The following RALYL variants were observed in gnomAD, a reference collection of about 807,000 sequenced individuals.
The protein encoded by RALYL is RNA-binding Raly-like protein.
In RALYL, 29 loss-of-function variants were observed where a neutral mutation model predicts 35.1. The observed-to-expected ratio is 0.83, with a 90% CI of 0.61 to 1.13. The LOEUF (loss-of-function observed/expected upper bound fraction) is 1.13. Among genes scored for constraint, RALYL ranks in the 50% most tolerant of loss-of-function variants. The pLI is 0.00. For synonymous variants in RALYL, 120 were observed against 127.6 expected (o/e 0.94, Z 0.40); for missense variants, 359 against 360.4 (o/e 1.00, Z 0.03).
intron 1 of RALYL, among the ~76,000 whole-genome samples, chr8:84,299,110 G>A (rs1321096553): frequency 6.6e-6 from 1 of 151,998 alleles, no homozygotes; most frequent in Non-Finnish European, 1.5e-5. Flanking sequence ...AGTGGTGAGA[G>A]TGAGCATTCC....
In RALYL at chr8:84,862,572, G is replaced by A. The variant is rs577899035; in HGVS notation, c.571+119G>A. On this transcript the variant is annotated intron_variant, in intron 6 of 8. Coordinates refer to ENST00000521268, the MANE Select transcript of RALYL (RefSeq NM_173848.7). Reference sequence around the variant, plus strand: ...TTATGAAGGACCTGCTATGTATAAAGTGTTAGAAAATCATAAGATGGATAA... The same window carrying A: ...TTATGAAGGACCTGCTATGTATAAAATGTTAGAAAATCATAAGATGGATAA... 5.1e-6 allele frequency: 4 copies of A among 780,850 alleles called. No individual in the cohort carries two copies. In the South Asian group the frequency reaches 1.2e-4, roughly 23 times the overall value. The allele number at this position is 780,850 out of a possible 1,614,324, so 48.4% of individuals were successfully genotyped here.
At chr8:84,728,712 C>G (rs1397078666) in intron 2 of RALYL, among the ~76,000 whole-genome samples, 3 of 152,210 alleles carry the variant, frequency 2.0e-5, no homozygotes, top group Middle Eastern at 3.4e-3. Context: ...GTTTTCCCAG[C>G]ACCATTTATT....
At position 84,557,043 on chromosome 8, in the gene RALYL, G is replaced by A. The variant is rs150109344; in HGVS notation, c.256+27466G>A. On this transcript the variant is annotated intron_variant, in intron 2 of 8. Coordinates refer to ENST00000521268, the MANE Select transcript of RALYL (RefSeq NM_173848.7). ...AGCCGCAGATCTGAAAAGCTAATTG[G>A]TAACATTTTTACAATAGGAAACCTA... Among the ~76,000 whole-genome samples, 4 of 152,278 alleles carry A rather than the reference G, an allele frequency of 2.6e-5. No homozygotes were observed. In the East Asian group the frequency reaches 7.7e-4, roughly 29 times the overall value.
intron 2 of RALYL, among the ~76,000 whole-genome samples, chr8:84,715,875 G>T (rs1306292912): frequency 6.6e-6 from 1 of 151,944 alleles, no homozygotes; most frequent in Non-Finnish European, 1.5e-5. Context: ...TGTAAATATT[G>T]ACTCAAAGTA....
chr8:84,231,238 A>G (rs767394311), intron 1 of RALYL, among the ~76,000 whole-genome samples: 9 of 152,214 alleles, frequency 5.9e-5, no homozygotes, highest in Non-Finnish European at 1.3e-4. Context: ...GATGGATGAG[A>G]GAATGAATAG....
chr8:84,699,005 CATAGATAGATAGATAG>C (rs3068019), intron 2 of RALYL, among the ~76,000 whole-genome samples: 86 of 144,276 alleles, frequency 6.0e-4, no homozygotes, highest in Middle Eastern at 6.9e-3. Flanking sequence ...TAGGTAGGTA[CATAGATAGATAGATAG>C]ATAGATAGAT....
intron 8 of RALYL, among the ~76,000 whole-genome samples, chr8:84,914,661 TAATC>T (rs1346134096): frequency 6.6e-6 from 1 of 152,170 alleles, no homozygotes; most frequent in East Asian, 1.9e-4. Flanking sequence ...TCTTTTTACC[TAATC>T]AAAGTAGTTT....
At chr8:84,858,874 T>C (rs1837561414) in intron 5 of RALYL, among the ~76,000 whole-genome samples, 1 of 152,194 alleles carries the variant, frequency 6.6e-6, no homozygotes, top group African/African-American at 2.4e-5. Context: ...TATTTCTAAT[T>C]GACTCAAGAG....
intron 2 of RALYL, among the ~76,000 whole-genome samples, chr8:84,702,541 A>T (rs201326755): frequency 0.01 from 1,335 of 132,340 alleles, 16 homozygotes; most frequent in East Asian, 0.043. Flanking sequence ...TCTCTCTCTC[A>T]CACACACACA....
chr8:84,489,610 T>C (rs2055032773), intron 1 of RALYL, among the ~76,000 whole-genome samples: 1 of 152,026 alleles, frequency 6.6e-6, no homozygotes, highest in Non-Finnish European at 1.5e-5. Context: ...TGTTTTATTA[T>C]TGGATAGAAG....
intron 1 of RALYL, among the ~76,000 whole-genome samples, chr8:84,325,863 C>T: frequency 6.6e-6 from 1 of 152,162 alleles, no homozygotes; most frequent in East Asian, 1.9e-4. Context: ...GGTGCAGTGG[C>T]TCATGCCTGT....
chr8:84,423,775 T>C (rs1345437902), intron 1 of RALYL, among the ~76,000 whole-genome samples: 1 of 151,818 alleles, frequency 6.6e-6, no homozygotes, highest in Non-Finnish European at 1.5e-5. Flanking sequence ...CATTTGCTTG[T>C]CTGTAAAGTA....
intron 1 of RALYL, among the ~76,000 whole-genome samples, chr8:84,233,395 G>T (rs1825803448): frequency 6.6e-6 from 1 of 152,134 alleles, no homozygotes; most frequent in Admixed American, 6.5e-5. Context: ...GCAGATCTGG[G>T]TTCTAGGTAT....
In RALYL at chr8:84,850,019, C is replaced by T; in HGVS notation, c.405C>T (p.Phe135=). 1 of 1,476,724 alleles carries T rather than the reference C, an allele frequency of 6.8e-7. No homozygotes were observed. 91.5% of individuals were successfully genotyped at this position (1,476,724 alleles called of 1,614,324 possible). Residue 135 remains phenylalanine, a synonymous_variant, in exon 5 of 9, where the codon TTC becomes TTT. Coordinates refer to ENST00000521268, the MANE Select transcript of RALYL (RefSeq NM_173848.7). ...VFDYDYYRDD[F]YNRLFDYHGR... is the part of the protein sequence containing the mutation. ...ACTATGATTACTACAGAGATGATTT[C>T]TACAATCGGTATGTGAATTTTTCAT...
chr8:84,457,527 C>T (rs2050271953), intron 1 of RALYL, among the ~76,000 whole-genome samples: 2 of 151,736 alleles, frequency 1.3e-5, no homozygotes, highest in South Asian at 4.2e-4. Context: ...AATGTTTCAC[C>T]TTTAGAAAGT....
At chr8:84,360,125 G>T (rs1374070715) in intron 1 of RALYL, among the ~76,000 whole-genome samples, 1 of 152,042 alleles carries the variant, frequency 6.6e-6, no homozygotes, top group East Asian at 1.9e-4. Context: ...CGCCCACATT[G>T]GCCTTCCAAA....
At chr8:84,263,642 G>C (rs1832720345) in intron 1 of RALYL, among the ~76,000 whole-genome samples, 2 of 152,024 alleles carry the variant, frequency 1.3e-5, no homozygotes, top group African/African-American at 4.8e-5. Flanking sequence ...TGTGCAGGAT[G>C]TGCAGGTTTG....
intron 1 of RALYL, among the ~76,000 whole-genome samples, chr8:84,430,014 A>G (rs940646712): frequency 3.5e-5 from 5 of 144,618 alleles, no homozygotes; most frequent in Admixed American, 3.4e-4. Flanking sequence ...AGTTTGCTTA[A>G]AAAAAAAAAA....
intron 4 of RALYL, among the ~76,000 whole-genome samples, chr8:84,848,580 T>C (rs79906289): frequency 0.044 from 6,722 of 152,100 alleles, 471 homozygotes; most frequent in African/African-American, 0.15. Flanking sequence ...AGAACAAATA[T>C]TGTATGACTA....
Sources: gnomAD v4.1 joint callset for allele counts (sites outside exome capture counted in the v4.1 genomes callset) on GRCh38, gnomAD v4.1.1 for gene constraint, MANE v1.5 for transcripts, NCBI Gene and HGNC (gene_info 2026-07-23, HGNC 2026-07-21) for gene names.